Variants in ZNF648 observed in about 807,000 individuals in gnomAD.
ZNF648 encodes zinc finger protein 648.
Under a neutral mutation model 0.3 loss-of-function variants are expected in ZNF648, and 1 was observed. The observed-to-expected ratio is 3.90, with a 90% CI of 1.39 to 18.51. The LOEUF is 18.51. Among genes scored for constraint, ZNF648 ranks in the 30% most tolerant of loss-of-function variants. The pLI, the probability that ZNF648 is intolerant of heterozygous loss-of-function variation, is 0.11. For synonymous variants in ZNF648, 376 were observed against 326.8 expected (o/e 1.15, Z -1.62); for missense variants, 874 against 769.7 (o/e 1.14, Z -1.60).
chr1:182,056,850 C>A lies in ZNF648; in HGVS notation c.1161G>T (p.Leu387=). The change falls in exon 2 of 2, where the codon CTG becomes CTT. Residue 387 remains leucine (L), a synonymous_variant. Coordinates refer to ENST00000339948, the MANE Select transcript of ZNF648 (RefSeq NM_001009992.1). ...CGGGGCAGCGGAAGGGCTTGGCGCC[C>A]AGGTGCGTGCGCTGGTGGCGCAGCA... ...LSLLRHQRTH[L]GAKPFRCPAC... is the part of the protein sequence containing the mutation. 3 of 1,558,602 alleles carry A rather than the reference C, an allele frequency of 1.9e-6. No individual in the cohort carries two copies. Among genetic ancestry groups the A allele is most frequent in the Non-Finnish European group, 2.6e-6 (3 of 1,152,034 alleles).
upstream of ZNF648, among the ~76,000 whole-genome samples, chr1:182,066,326 A>G (rs1666099243): frequency 6.6e-6 from 1 of 152,182 alleles, no homozygotes; most frequent in South Asian, 2.1e-4. Context: ...GTGGTGGAAC[A>G]TGAGCCACAC....
chr1:182,061,929 C>G (rs116044852), upstream of ZNF648, among the ~76,000 whole-genome samples: 1,372 of 152,342 alleles, frequency 9.0e-3, 19 homozygotes, highest in African/African-American at 0.03. Flanking sequence ...TTCACTTTCA[C>G]TCCTTCCTTC....
Position 182,057,628 on chromosome 1 carries a change from C to G in ZNF648, c.383G>C (p.Ser128Thr). ...ACCTAACAATTTGTGTGCGAGACCACTGGGAAGGGAACCCAGAGCTCTGCT... is the reference window on the plus strand; with the variant it reads ...ACCTAACAATTTGTGTGCGAGACCAGTGGGAAGGGAACCCAGAGCTCTGCT... ...GASRALGSLP[S>T]GLAHKLLGQM... Residue 128 changes from serine (S) to threonine (T), a missense_variant, in exon 2 of 2, where the codon AGT (serine) becomes ACT (threonine). Ser to Thr is a moderately conservative substitution (Grantham distance 58). Transcript: ENST00000339948. The G allele has an allele frequency of 6.2e-7, 1 of 1,614,232 alleles. No individual in the cohort carries two copies. Among genetic ancestry groups the G allele is most frequent in the Non-Finnish European group, 8.5e-7 (1 of 1,180,042 alleles).
upstream of ZNF648, chr1:182,064,672 C>A (rs1666074255): frequency 6.6e-6 from 1 of 152,150 alleles, no homozygotes; most frequent in Non-Finnish European, 1.5e-5. Flanking sequence ...TTGAAGGGGC[C>A]ATGATCCAAA....
rs1435376379 is a variant in ZNF648, at chr1:182,055,685, C to T, written c.*619G>A. The T allele has an allele frequency of 6.6e-6, 1 of 152,298 alleles. No homozygotes were observed. Among genetic ancestry groups the T allele is most frequent in the Admixed American group, 6.5e-5 (1 of 15,296 alleles). The allele number at this position is 152,298 out of a possible 1,614,324, so 9.4% of individuals were successfully genotyped here. On this transcript the variant is annotated 3_prime_UTR_variant, in exon 2 of 2. Transcript: ENST00000339948. This position sits in a 1 kb window ranked among gnomAD's most constrained non-coding sequence, Gnocchi z 4.1. Reference sequence around the variant, plus strand: ...ACCTTCTCTAAGATAAAGCCCTTCTCCACTTCAAAGCCAAGACTCATAAAG... The same window carrying T: ...ACCTTCTCTAAGATAAAGCCCTTCTTCACTTCAAAGCCAAGACTCATAAAG...
chr1:182,057,076 C>CA lies in ZNF648; in HGVS notation c.934dup (p.Cys312LeufsTer51). On this transcript the variant is annotated frameshift_variant, in exon 2 of 2. Coordinates refer to ENST00000339948, the MANE Select transcript of ZNF648 (RefSeq NM_001009992.1). LOFTEE classifies it low-confidence loss of function (END_TRUNC). ...GGAGGACCAGGTGTAGGCCTTGTCG[C>CA]AGAAGGAGCACTGGTAGGGCCGCTC... 2 of 1,612,826 alleles carry CA rather than the reference C, an allele frequency of 1.2e-6. No individual in the cohort carries two copies. The highest frequency in any genetic ancestry group is 1.7e-6 in the Non-Finnish European group (2 of 1,179,956).
chr1:182,060,522 G>A (rs983954577), intron 1 of ZNF648, among the ~76,000 whole-genome samples: 1 of 152,160 alleles, frequency 6.6e-6, no homozygotes, highest in African/African-American at 2.4e-5. Context: ...CATTGCAGTT[G>A]TGACTGGAAT....
rs745846743 is a variant in ZNF648 at position 182,057,972 on chromosome 1, C to T, written c.39G>A (p.Ala13=). 2 of 1,612,790 alleles carry T rather than the reference C, an allele frequency of 1.2e-6. No homozygotes were observed. Among genetic ancestry groups the T allele is most frequent in the South Asian group, 2.2e-5 (2 of 90,910 alleles). The part of the protein sequence containing the change: ...QVDSQDRWGE[A]SPLSSLTEEA... ...CCTCAGTCAAGCTGCTGAGAGGAGA[C>T]GCCTCTCCCCACCTGTCCTGGGAGT... is the stretch of plus-strand genomic sequence containing the variant. The change falls in exon 2 of 2, where the codon GCG becomes GCA. Residue 13 remains alanine, a synonymous_variant. Transcript: ENST00000339948.
chr1:182,069,406 G>A, the ZNF648 span, among the ~76,000 whole-genome samples: 1 of 152,192 alleles, frequency 6.6e-6, no homozygotes, highest in Non-Finnish European at 1.5e-5. Flanking sequence ...TTCAACTGCT[G>A]CACTGAACGT....
upstream of ZNF648, among the ~76,000 whole-genome samples, chr1:182,065,889 G>A (rs954624332): frequency 6.6e-6 from 1 of 152,190 alleles, no homozygotes; most frequent in African/African-American, 2.4e-5. Context: ...TTTCCTGGGT[G>A]TGTTTCCCTT....
chr1:182,057,179 G>T lies in ZNF648; in HGVS notation c.832C>A (p.Arg278Ser), dbSNP rs1041839926. ...TTCCCGCATAGCTCGCACGCGTAGC[G>T]CTTGGCGGCGCCGCCGCGCGTCTCC... ...PAETRGGAAK[R>S]YACELCGKAY... Residue 278 changes from arginine (R) to serine (S), a missense_variant, in exon 2 of 2, where the codon CGC (arginine) becomes AGC (serine). Transcript: ENST00000339948. The T allele has an allele frequency of 5.7e-6, 9 of 1,584,164 alleles. No homozygotes were observed. Among genetic ancestry groups the T allele is most frequent in the Non-Finnish European group, 7.7e-6 (9 of 1,170,796 alleles).
In ZNF648 at chr1:182,060,545, G is replaced by A. The variant is rs187317622; in HGVS notation, c.-64+1023C>T. The stretch of plus-strand genomic sequence containing the variant: ...TTGTGACTGGAATTCAGCATCTCAC[G>A]TCTCTTTGTGCCCTAAAGCCCAGGG... On this transcript the variant is annotated intron_variant, in intron 1 of 1. Coordinates refer to ENST00000339948, the MANE Select transcript of ZNF648 (RefSeq NM_001009992.1). 5.3e-5 allele frequency among the ~76,000 whole-genome samples: 8 copies of A among 152,276 alleles called. No individual in the cohort carries two copies. In the South Asian group the frequency reaches 1.2e-3, roughly 24 times the overall value.
At position 182,057,779 on chromosome 1, in the gene ZNF648, C is replaced by A; in HGVS notation, c.232G>T (p.Glu78Ter). The change falls in exon 2 of 2, where the codon GAA becomes TAA. Residue 78 changes from glutamate (E) to a stop codon, truncating the protein, a stop_gained. Coordinates refer to ENST00000339948, the MANE Select transcript of ZNF648 (RefSeq NM_001009992.1). LOFTEE classifies it low-confidence loss of function (END_TRUNC). The part of the protein sequence containing the change: ...LPWPHPLGKE[E>*]EKFSDSSSAG... ...CTGGAGGAGTCAGAGAATTTCTCTT[C>A]CTCTTTGCCCAGTGGATGGGGCCAT... The A allele has an allele frequency of 1.2e-6, 2 of 1,614,226 alleles. No individual in the cohort carries two copies. Among genetic ancestry groups the A allele is most frequent in the South Asian group, 1.1e-5 (1 of 91,082 alleles).
chr1:182,062,237 T>G, upstream of ZNF648, among the ~76,000 whole-genome samples: 1 of 152,222 alleles, frequency 6.6e-6, no homozygotes, highest in East Asian at 1.9e-4. Context: ...TGCATACAGA[T>G]GCCAGGCCTG....
chr1:182,059,710 CA>C lies in ZNF648; in HGVS notation c.-63-1638del, dbSNP rs11439785. ...TGAAACCCCGTCTCTACTAAAAATA[CA>C]AAAAAATTAGCTGGGCATGGTGGCG... On this transcript the variant is annotated intron_variant, in intron 1 of 1. Coordinates refer to ENST00000339948, the MANE Select transcript of ZNF648 (RefSeq NM_001009992.1). Among the ~76,000 whole-genome samples the C allele has an allele frequency of 3.4e-5, 5 of 148,724 alleles. No homozygotes were observed. The East Asian group carries it at 6.0e-4, about 18-fold the overall frequency.
chr1:182,065,444 G>A (rs1666086388), upstream of ZNF648, among the ~76,000 whole-genome samples: 1 of 152,154 alleles, frequency 6.6e-6, no homozygotes, highest in Non-Finnish European at 1.5e-5. Context: ...ATTCAGCCTG[G>A]ACAGCCTGTT....
chr1:182,057,630 G>A lies in ZNF648; in HGVS notation c.381C>T (p.Pro127=). 6.2e-7 allele frequency: 1 copy of A among 1,614,216 alleles called. No homozygotes were observed. The highest frequency in any genetic ancestry group is 8.5e-7 in the Non-Finnish European group (1 of 1,180,038). The change falls in exon 2 of 2, where the codon CCC becomes CCT. Residue 127 remains proline, a synonymous_variant. Coordinates refer to ENST00000339948, the MANE Select transcript of ZNF648 (RefSeq NM_001009992.1). Reference sequence around the variant, plus strand: ...CTAACAATTTGTGTGCGAGACCACTGGGAAGGGAACCCAGAGCTCTGCTTG... The same window carrying A: ...CTAACAATTTGTGTGCGAGACCACTAGGAAGGGAACCCAGAGCTCTGCTTG... ...PGASRALGSL[P]SGLAHKLLGQ... is the part of the protein sequence containing the mutation.
At chr1:182,061,068 T>C (rs1190450657) in intron 1 of ZNF648, among the ~76,000 whole-genome samples, 1 of 152,154 alleles carries the variant, frequency 6.6e-6, no homozygotes, top group Non-Finnish European at 1.5e-5. Flanking sequence ...GAGGTATCCC[T>C]CCTCCATCTG....
the ZNF648 span, among the ~76,000 whole-genome samples, chr1:182,067,065 G>A: frequency 6.6e-6 from 1 of 152,172 alleles, no homozygotes; most frequent in Non-Finnish European, 1.5e-5. Context: ...TGGCACACGT[G>A]GCAATCAGTG....
Sources: allele counts gnomAD v4.1 joint callset (sites outside exome capture counted in the v4.1 genomes callset), GRCh38; gene constraint gnomAD v4.1.1; non-coding constraint Gnocchi (gnomAD v3.1); transcripts MANE v1.5; gene names NCBI Gene and HGNC (gene_info 2026-07-23, HGNC 2026-07-21).